The following TTC39C variants were observed in gnomAD, a reference collection of about 807,000 sequenced individuals.
TTC39C encodes the protein tetratricopeptide repeat protein 39C.
A neutral mutation model predicts 76.3 loss-of-function variants in TTC39C; 33 were observed. The ratio of observed to expected loss-of-function variants is 0.43; its 90% CI spans 0.33 to 0.58. The LOEUF (loss-of-function observed/expected upper bound fraction) is 0.58, where lower values mean the gene tolerates loss of function less well. Among genes scored for constraint, TTC39C ranks in the 20% least tolerant of loss-of-function variants. The probability of loss-of-function intolerance (pLI) is 0.04; values close to 1 mark genes in which losing one functional copy is unlikely to be tolerated. For missense variants in TTC39C, 595 were observed against 701.4 expected (o/e 0.85, Z 1.71); for synonymous variants, 254 against 260.6 (o/e 0.97, Z 0.24).
At chr18:24,011,700 CA>C (rs1313825114), upstream of TTC39C, among the ~76,000 whole-genome samples, 2 of 152,194 alleles carry the variant, frequency 1.3e-5, no homozygotes, top group Non-Finnish European at 2.9e-5. Flanking sequence ...TTCATTTTCA[CA>C]GTGAAATCAA....
intron 7 of TTC39C, among the ~76,000 whole-genome samples, chr18:24,116,235 A>G (rs1406310160): frequency 6.6e-6 from 1 of 152,172 alleles, no homozygotes; most frequent in Non-Finnish European, 1.5e-5. Context: ...TCCGCTATCT[A>G]TGCTAGGATA....
At chr18:24,046,103 T>C (rs546755993) in intron 1 of TTC39C, among the ~76,000 whole-genome samples, 35 of 151,426 alleles carry the variant, frequency 2.3e-4, no homozygotes, top group Non-Finnish European at 4.7e-4. Context: ...CACACCCAGC[T>C]AATTTTTTGT....
intron 1 of TTC39C, among the ~76,000 whole-genome samples, chr18:24,049,816 A>G (rs556229204): frequency 6.6e-5 from 10 of 152,376 alleles, no homozygotes; most frequent in African/African-American, 2.4e-4. Flanking sequence ...AATAAATGGA[A>G]ACACGGAATG....
chr18:24,124,953 C>T (rs2085029019), intron 9 of TTC39C, among the ~76,000 whole-genome samples: 1 of 152,146 alleles, frequency 6.6e-6, no homozygotes, highest in Admixed American at 6.5e-5. Context: ...AGTGCAATGG[C>T]GTAATCTTGG....
chr18:23,997,661 A>AGAAAGAAAGAAGGAAAGAAG (rs780900575), intron 1 of TTC39C, among the ~76,000 whole-genome samples: 1 of 92,248 alleles, frequency 1.1e-5, no homozygotes, highest in African/African-American at 4.1e-5. Flanking sequence ...GGAGAAAGAA[A>AGAAAGAAAGAAGGAAAGAAG]GAAAGAAAGA....
At chr18:24,089,274 C>A (rs2084487224) in intron 6 of TTC39C, among the ~76,000 whole-genome samples, 1 of 152,040 alleles carries the variant, frequency 6.6e-6, no homozygotes, top group African/African-American at 2.4e-5. Flanking sequence ...AAGCCTGCCT[C>A]TTGTATTTGG....
At chr18:24,061,233 T>TC (rs1214853724) in intron 1 of TTC39C, among the ~76,000 whole-genome samples, 3 of 150,200 alleles carry the variant, frequency 2.0e-5, no homozygotes, top group East Asian at 3.9e-4. Flanking sequence ...CTTCTTTTTT[T>TC]TTTTTTAAAA....
At chr18:24,061,239 T>TAA (rs61658056) in intron 1 of TTC39C, among the ~76,000 whole-genome samples, 2,816 of 150,356 alleles carry the variant, frequency 0.019, 64 homozygotes, top group East Asian at 0.061. Flanking sequence ...TTTTTTTTTT[T>TAA]AAAAAAATAG....
At position 24,066,288 on chromosome 18, in the gene TTC39C, A is replaced by G. The variant is rs2084165881; in HGVS notation, c.345+148A>G. 7.4e-6 allele frequency: 8 copies of G among 1,081,082 alleles called. No individual in the cohort carries two copies. In the South Asian group the frequency reaches 1.4e-4, roughly 19 times the overall value. 67.0% of individuals were successfully genotyped at this position (1,081,082 alleles called of 1,614,324 possible). On this transcript the variant is annotated intron_variant, in intron 3 of 13. Coordinates refer to ENST00000317571, the MANE Select transcript of TTC39C (RefSeq NM_001135993.2). ...TGTTTCTTATGGTTTTTGGTTATAT[A>G]AAATGTTATCTCTTATAAAAACAGA...
At chr18:24,131,804 C>T (rs2085133805) in intron 12 of TTC39C, 78 bp from the exon 13 acceptor site, 3 of 1,214,304 alleles carry the variant, frequency 2.5e-6, no homozygotes, top group South Asian at 1.4e-5. Flanking sequence ...TTTTAATTAA[C>T]ATAGCCTCCT....
At chr18:24,080,018 T>G (rs533394826) in intron 4 of TTC39C, among the ~76,000 whole-genome samples, 7 of 152,136 alleles carry the variant, frequency 4.6e-5, no homozygotes, top group East Asian at 1.9e-4. Context: ...CTCAGCCTGG[T>G]CTCAAACTCC....
At chr18:24,096,895 C>T (rs1195627972) in intron 6 of TTC39C, among the ~76,000 whole-genome samples, 1 of 152,196 alleles carries the variant, frequency 6.6e-6, no homozygotes, top group Admixed American at 6.5e-5. Context: ...TTAGTCCATC[C>T]TTAAAGAACT....
intron 6 of TTC39C, among the ~76,000 whole-genome samples, chr18:24,105,734 G>A (rs533519285): frequency 1.6e-4 from 25 of 152,318 alleles, no homozygotes; most frequent in African/African-American, 6.0e-4. Flanking sequence ...CCCAAAGAAG[G>A]GACACCCCTG....
At chr18:24,105,760 G>GT in intron 6 of TTC39C, among the ~76,000 whole-genome samples, 1 of 152,334 alleles carries the variant, frequency 6.6e-6, no homozygotes, top group Non-Finnish European at 1.5e-5. Context: ...TGGTGTCTTC[G>GT]TTTCCCACGG....
chr18:24,113,900 C>T (rs2084853252), intron 6 of TTC39C: 1 of 532,826 alleles, frequency 1.9e-6, no homozygotes, highest in Admixed American at 3.2e-5. Flanking sequence ...GAAATGTAAT[C>T]TGGATCCTCA....
At chr18:24,105,534 A>T (rs1163992475) in intron 6 of TTC39C, among the ~76,000 whole-genome samples, 2 of 152,216 alleles carry the variant, frequency 1.3e-5, no homozygotes, top group Admixed American at 6.5e-5. Flanking sequence ...ATGCACACAC[A>T]CACTTGCAGG....
chr18:23,994,896 C>CTTT (rs113703944), intron 1 of TTC39C, among the ~76,000 whole-genome samples: 4 of 151,344 alleles, frequency 2.6e-5, no homozygotes, highest in African/African-American at 9.7e-5. Flanking sequence ...GGATCTTTTC[C>CTTT]TTTTTTTTAA....
intron 6 of TTC39C, among the ~76,000 whole-genome samples, chr18:24,090,948 A>T (rs1220511707): frequency 1.3e-5 from 2 of 151,936 alleles, no homozygotes; most frequent in Non-Finnish European, 2.9e-5. Context: ...CTGAGACTAC[A>T]GGTGTGCGCC....
intron 1 of TTC39C, among the ~76,000 whole-genome samples, chr18:24,058,268 A>G (rs1166388675): frequency 6.6e-6 from 1 of 152,174 alleles, no homozygotes; most frequent in African/African-American, 2.4e-5. Context: ...GTGACACACA[A>G]TTTACCTATA....
Sources: allele counts gnomAD v4.1 joint callset (sites outside exome capture counted in the v4.1 genomes callset), GRCh38; gene constraint gnomAD v4.1.1; transcripts MANE v1.5; gene names NCBI Gene and HGNC (gene_info 2026-07-23, HGNC 2026-07-21).